The following SLC35D1 variants were observed in gnomAD, a reference collection of about 807,000 sequenced individuals.
SLC35D1 encodes the protein solute carrier family 35 member D1.
Under a neutral mutation model 46.7 loss-of-function variants are expected in SLC35D1, and 31 were observed. That is an observed-to-expected ratio of 0.66 (90% CI 0.50 to 0.90). The LOEUF is 0.90. SLC35D1 is among the 40% of genes least tolerant of loss of function. The probability of loss-of-function intolerance (pLI) is 0.00; values close to 1 mark genes in which losing one functional copy is unlikely to be tolerated. For synonymous variants in SLC35D1, 195 were observed against 164.6 expected (o/e 1.18, Z -1.41); for missense variants, 397 against 426.2 (o/e 0.93, Z 0.60).
At chr1:67,047,599 G>T (rs1645265655) in intron 6 of SLC35D1, among the ~76,000 whole-genome samples, 1 of 152,154 alleles carries the variant, frequency 6.6e-6, no homozygotes, top group African/African-American at 2.4e-5. Context: ...ATTAGCAACG[G>T]TCATTCATGT....
At chr1:67,006,275 C>T (rs1213900790) in intron 11 of SLC35D1, among the ~76,000 whole-genome samples, 1 of 152,092 alleles carries the variant, frequency 6.6e-6, no homozygotes, top group Non-Finnish European at 1.5e-5. Flanking sequence ...TTTTTCTAGT[C>T]CCTCAAGTAG....
At chr1:67,009,728 T>C (rs56028313) in intron 10 of SLC35D1, among the ~76,000 whole-genome samples, 11,103 of 152,210 alleles carry the variant, frequency 0.073, 567 homozygotes, top group East Asian at 0.27. Flanking sequence ...TTATACACTG[T>C]TGGGGGGAAT....
At chr1:67,015,087 C>A (rs753301557) in intron 10 of SLC35D1, among the ~76,000 whole-genome samples, 1 of 139,798 alleles carries the variant, frequency 7.2e-6, no homozygotes, top group Non-Finnish European at 1.5e-5. Context: ...CAATTCCATA[C>A]GCAAAGTATA....
At chr1:67,027,914 T>A (rs764032639) in intron 8 of SLC35D1, among the ~76,000 whole-genome samples, 17 of 152,100 alleles carry the variant, frequency 1.1e-4, no homozygotes, top group Non-Finnish European at 2.5e-4. Context: ...GTATTTTTAG[T>A]AGACACGAGG....
intron 7 of SLC35D1, among the ~76,000 whole-genome samples, chr1:67,042,714 A>G (rs1335822457): frequency 6.6e-6 from 1 of 152,210 alleles, no homozygotes; most frequent in Non-Finnish European, 1.5e-5. Context: ...TCTAGAACTG[A>G]ATCAAGACTG....
At chr1:67,042,206 A>C (rs1342356907) in intron 8 of SLC35D1, 30 bp downstream of exon 8, 1 of 1,550,932 alleles carries the variant, frequency 6.4e-7, no homozygotes, top group East Asian at 2.2e-5. Flanking sequence ...CATCAACGTA[A>C]GCCATTAAAC....
At chr1:66,997,781 TTAA>T (rs1439511811), downstream of SLC35D1, among the ~76,000 whole-genome samples, 12 of 147,360 alleles carry the variant, frequency 8.1e-5, no homozygotes, top group Non-Finnish European at 4.5e-5. Flanking sequence ...ATATATTAAT[TTAA>T]TAATATAAAT....
At chr1:67,032,026 G>A (rs1668026990) in intron 8 of SLC35D1, 1 of 983,798 alleles carries the variant, frequency 1.0e-6, no homozygotes, top group Admixed American at 6.2e-5. Context: ...TGACCTACCT[G>A]GTCATTCTGT....
At chr1:67,030,009 GT>G (rs112700204) in intron 8 of SLC35D1, among the ~76,000 whole-genome samples, 1,490 of 144,214 alleles carry the variant, frequency 0.01, 15 homozygotes, top group African/African-American at 0.031. Flanking sequence ...TTTGCACTAA[GT>G]TTTTTTTTTT....
the SLC35D1 span, among the ~76,000 whole-genome samples, chr1:66,981,247 G>T: frequency 6.6e-6 from 1 of 152,088 alleles, no homozygotes; most frequent in Non-Finnish European, 1.5e-5. Flanking sequence ...AAAGTGACAG[G>T]ATAAAACCAG....
chr1:67,039,995 ATTT>A (rs11300562), intron 8 of SLC35D1, among the ~76,000 whole-genome samples: 6 of 140,136 alleles, frequency 4.3e-5, no homozygotes, highest in African/African-American at 2.6e-5. Context: ...TTACATCACA[ATTT>A]TTTTTTTTTT....
At chr1:67,047,922 G>C (rs1645268869) in intron 6 of SLC35D1, among the ~76,000 whole-genome samples, 3 of 152,164 alleles carry the variant, frequency 2.0e-5, no homozygotes. Context: ...ATGAACCTGT[G>C]AAGTATAACT....
chr1:67,023,115 T>C (rs941008016), intron 8 of SLC35D1, among the ~76,000 whole-genome samples: 1 of 152,214 alleles, frequency 6.6e-6, no homozygotes, highest in African/African-American at 2.4e-5. Flanking sequence ...TTTCCACAAG[T>C]TATTATGAAC....
chr1:67,043,863 T>TG (rs1425842088), intron 7 of SLC35D1, among the ~76,000 whole-genome samples: 1 of 152,152 alleles, frequency 6.6e-6, no homozygotes, highest in Non-Finnish European at 1.5e-5. Context: ...AGCAGTCTCC[T>TG]GAAAATGCAG....
At chr1:66,977,444 A>G in the SLC35D1 span, among the ~76,000 whole-genome samples, 1 of 152,188 alleles carries the variant, frequency 6.6e-6, no homozygotes, top group Non-Finnish European at 1.5e-5. Flanking sequence ...AAACATGTAT[A>G]TGGTGACTTT....
chr1:67,053,634 G>C (rs1035267280), intron 1 of SLC35D1, among the ~76,000 whole-genome samples, 177 bp downstream of exon 1: 1 of 151,886 alleles, frequency 6.6e-6, no homozygotes, highest in Admixed American at 6.6e-5. Flanking sequence ...CCACAGGCCC[G>C]CTCGCCAGGC....
intron 4 of SLC35D1, among the ~76,000 whole-genome samples, chr1:67,050,855 C>T: frequency 6.6e-6 from 1 of 152,168 alleles, no homozygotes; most frequent in South Asian, 2.1e-4. Flanking sequence ...CACCCAAAAA[C>T]CATCTATGAA....
Position 67,003,004 on chromosome 1 carries a change from A to G in SLC35D1, c.*1336T>C, listed in dbSNP as rs1052415619. On this transcript the variant is annotated 3_prime_UTR_variant, in exon 12 of 12. Transcript: ENST00000235345. ...CACAGCTGCTCTCCCAAAATGCAGCATTGGTTTTGAGAGAAGTTGGCAAGC... is the reference window on the plus strand; with the variant it reads ...CACAGCTGCTCTCCCAAAATGCAGCGTTGGTTTTGAGAGAAGTTGGCAAGC... 4 of 152,404 alleles carry G rather than the reference A, an allele frequency of 2.6e-5. No individual in the cohort carries two copies. Among genetic ancestry groups the G allele is most frequent in the African/African-American group, 9.6e-5 (4 of 41,456 alleles). The allele number at this position is 152,404 out of a possible 1,614,324, so 9.4% of individuals were successfully genotyped here.
the SLC35D1 span, among the ~76,000 whole-genome samples, chr1:66,978,899 CTT>C: frequency 8.5e-5 from 13 of 152,266 alleles, no homozygotes; most frequent in African/African-American, 2.9e-4. Context: ...CTTCTGAAAA[CTT>C]TTTGAAGATA....
Sources: gnomAD v4.1 joint callset for allele counts (sites outside exome capture counted in the v4.1 genomes callset) on GRCh38, gnomAD v4.1.1 for gene constraint, MANE v1.5 for transcripts, NCBI Gene and HGNC (gene_info 2026-07-23, HGNC 2026-07-21) for gene names.